CSMD1: variants seen among roughly 807,000 people sequenced by gnomAD.
The protein encoded by CSMD1 is CUB and Sushi multiple domains 1.
Under a neutral mutation model 417.5 loss-of-function variants are expected in CSMD1, and 213 were observed. That is an observed-to-expected ratio of 0.51 (90% CI 0.46 to 0.57). CSMD1 has a LOEUF of 0.57. Ranked by LOEUF, CSMD1 falls within the 20% of genes least tolerant of loss-of-function variation. The pLI is 0.00. For synonymous variants in CSMD1, 2,862 were observed against 1,736.8 expected (o/e 1.65, Z -16.11); for missense variants, 6,923 against 4,529.7 (o/e 1.53, Z -15.17).
intron 5 of CSMD1, among the ~76,000 whole-genome samples, chr8:3,981,500 T>TAAAAAAAAAAAAAAAAAAAAAAAAAAA: frequency 8.7e-6 from 1 of 115,074 alleles, no homozygotes; most frequent in Non-Finnish European, 1.7e-5. Flanking sequence ...TAGAAAAAAG[T>TAAAAAAAAAAAAAAAAAAAAAAAAAAA]AAAAAAAAAA....
chr8:2,968,457 T>C (rs1361759156), intron 57 of CSMD1, among the ~76,000 whole-genome samples: 1 of 152,224 alleles, frequency 6.6e-6, no homozygotes, highest in African/African-American at 2.4e-5. Flanking sequence ...ATTCAGTTTG[T>C]AAGGAAACTA....
chr8:3,031,411 A>G (rs1345968572), intron 50 of CSMD1, among the ~76,000 whole-genome samples: 2 of 152,026 alleles, frequency 1.3e-5, no homozygotes, highest in South Asian at 2.1e-4. Context: ...ACATGTATAC[A>G]TGTGTAACAA....
chr8:4,119,168 T>A (rs1417437294), intron 3 of CSMD1, among the ~76,000 whole-genome samples: 1 of 152,092 alleles, frequency 6.6e-6, no homozygotes, highest in Non-Finnish European at 1.5e-5. Context: ...GATGATGGTT[T>A]GATAGGTGCA....
intron 1 of CSMD1, among the ~76,000 whole-genome samples, chr8:4,971,544 G>C (rs1398272805): frequency 1.3e-5 from 2 of 151,904 alleles, no homozygotes; most frequent in Non-Finnish European, 2.9e-5. Flanking sequence ...ATAATTTCTT[G>C]AGTTTTAAGC....
Position 3,070,151 on chromosome 8 carries a change from G to A in CSMD1, c.7474+16946C>T, listed in dbSNP as rs549019248. 3.3e-4 allele frequency among the ~76,000 whole-genome samples: 50 copies of A among 152,328 alleles called. 1 individual carries two copies. Among genetic ancestry groups the A allele is most frequent in the South Asian group, 6.2e-4 (3 of 4,832 alleles). ...TCATCTTCTCCTCCCAGGATTCTAG[G>A]TCTCTGATGGGAGGGTCTGCCATAA... On this transcript the variant is annotated intron_variant, in intron 49 of 69. Transcript: ENST00000635120.
intron 1 of CSMD1, among the ~76,000 whole-genome samples, chr8:4,793,939 A>T (rs1797837318): frequency 6.6e-6 from 1 of 152,180 alleles, no homozygotes; most frequent in African/African-American, 2.4e-5. Flanking sequence ...GGTTTGTGTG[A>T]AAATGAACTG....
chr8:3,152,094 A>C lies in CSMD1; in HGVS notation c.5915-581T>G, dbSNP rs1243831625. 8.5e-5 allele frequency among the ~76,000 whole-genome samples: 13 copies of C among 152,176 alleles called. No homozygotes were observed. In the East Asian group the frequency reaches 2.5e-3, roughly 29 times the overall value. On this transcript the variant is annotated intron_variant, in intron 39 of 69. Transcript: ENST00000635120. ...AGTACCCAAGTTTCAGCCACCACAC[A>C]TGACTGTCAGATAGCTTTTCAATTT...
At chr8:4,839,465 C>T (rs1299719014) in intron 1 of CSMD1, among the ~76,000 whole-genome samples, 1 of 152,152 alleles carries the variant, frequency 6.6e-6, no homozygotes, top group Non-Finnish European at 1.5e-5. Context: ...TTTAGAATGA[C>T]ATTTGCACTG....
intron 2 of CSMD1, among the ~76,000 whole-genome samples, chr8:4,589,789 A>G (rs748471134): frequency 1.4e-4 from 22 of 152,348 alleles, no homozygotes; most frequent in Non-Finnish European, 2.9e-4. Context: ...AAAAATATAT[A>G]TCTTTGCCAT....
rs771682485 is a variant in CSMD1 at position 3,000,058 on chromosome 8, C to T, written c.8103G>A (p.Thr2701=). The T allele has an allele frequency of 4.4e-6, 7 of 1,603,570 alleles. No homozygotes were observed. Among genetic ancestry groups the T allele is most frequent in the East Asian group, 2.2e-5 (1 of 44,492 alleles). ...ISGDGFSYRD[T]VVYQCNPGFR... ...AACCAGGATTGCACTGGTAAACCAC[C>T]GTGTCTCTGTAACTGAAGCCATCTC... The change falls in exon 53 of 70, where the codon ACG becomes ACA. Residue 2701 remains threonine, a synonymous_variant. Coordinates refer to ENST00000635120, the MANE Select transcript of CSMD1 (RefSeq NM_033225.6).
chr8:4,961,607 C>T (rs748571153), intron 1 of CSMD1, among the ~76,000 whole-genome samples: 100 of 152,030 alleles, frequency 6.6e-4, no homozygotes, highest in Non-Finnish European at 1.2e-3. Flanking sequence ...AATTCTGTGC[C>T]GTTTTGTCGC....
chr8:4,664,994 G>T (rs753792048), intron 1 of CSMD1, among the ~76,000 whole-genome samples: 1 of 152,016 alleles, frequency 6.6e-6, no homozygotes, highest in Admixed American at 6.6e-5. Context: ...ATATCTCATC[G>T]TGTTCTTCAT....
chr8:4,607,752 G>A (rs1402698328), intron 2 of CSMD1, among the ~76,000 whole-genome samples: 2 of 152,226 alleles, frequency 1.3e-5, no homozygotes, highest in East Asian at 1.9e-4. Context: ...GCCTCAAACC[G>A]CTTGAGAGTG....
At chr8:3,334,261 C>T (rs938475152) in intron 23 of CSMD1, among the ~76,000 whole-genome samples, 2 of 152,084 alleles carry the variant, frequency 1.3e-5, no homozygotes, top group African/African-American at 2.4e-5. Context: ...TCTGACATAC[C>T]CTGCTCTTCA....
intron 3 of CSMD1, among the ~76,000 whole-genome samples, chr8:4,276,389 C>G (rs575962610): frequency 6.6e-6 from 1 of 152,198 alleles, no homozygotes; most frequent in South Asian, 2.1e-4. Flanking sequence ...AAACTAAACA[C>G]CACATGTTTT....
At chr8:4,570,244 T>C (rs1285075643) in intron 2 of CSMD1, among the ~76,000 whole-genome samples, 1 of 152,256 alleles carries the variant, frequency 6.6e-6, no homozygotes, top group African/African-American at 2.4e-5. Flanking sequence ...CTTCCAGCTT[T>C]TGACCATTCT....
intron 5 of CSMD1, among the ~76,000 whole-genome samples, chr8:3,805,221 C>T (rs752857940): frequency 1.1e-4 from 17 of 152,126 alleles, no homozygotes; most frequent in South Asian, 2.1e-4. Flanking sequence ...CAGTTTCCTG[C>T]GGGACACCAG....
chr8:4,938,685 G>T (rs1300051441), intron 1 of CSMD1, among the ~76,000 whole-genome samples: 1 of 152,124 alleles, frequency 6.6e-6, no homozygotes, highest in Non-Finnish European at 1.5e-5. Flanking sequence ...ATGATAATGG[G>T]GTGGAAAGAA....
chr8:4,258,222 G>C (rs963409425), intron 3 of CSMD1, among the ~76,000 whole-genome samples: 7 of 148,708 alleles, frequency 4.7e-5, no homozygotes, highest in African/African-American at 1.8e-4. Context: ...TGAGATTAAA[G>C]GCATGAGCCA....
Sources: allele counts gnomAD v4.1 joint callset (sites outside exome capture counted in the v4.1 genomes callset), GRCh38; gene constraint gnomAD v4.1.1; transcripts MANE v1.5; gene names NCBI Gene and HGNC (gene_info 2026-07-23, HGNC 2026-07-21).